CACNG4: variants seen among roughly 807,000 people sequenced by gnomAD.
The protein encoded by CACNG4 is calcium voltage-gated channel auxiliary subunit gamma 4.
In CACNG4, 8 loss-of-function variants were observed where a neutral mutation model predicts 22.9. The observed-to-expected ratio is 0.35, with a 90% CI of 0.21 to 0.63. CACNG4 has a LOEUF of 0.63. Ranked by LOEUF, CACNG4 falls within the 30% of genes least tolerant of loss-of-function variation. CACNG4 has a pLI of 0.72. For missense variants in CACNG4, 357 were observed against 455.4 expected, an observed-to-expected ratio of 0.78 and a Z score of 1.97; for synonymous variants, 188 against 191.9, an observed-to-expected ratio of 0.98 and a Z score of 0.17.
chr17:67,029,484 A>G (rs1336860848), intron 3 of CACNG4, among the ~76,000 whole-genome samples: 1 of 142,198 alleles, frequency 7.0e-6, no homozygotes, highest in African/African-American at 2.7e-5. Flanking sequence ...ACAAAAAAAA[A>G]TTGGCTGGGT....
chr17:66,985,202 T>G (rs556838161), intron 1 of CACNG4, among the ~76,000 whole-genome samples: 9 of 152,298 alleles, frequency 5.9e-5, no homozygotes, highest in South Asian at 4.1e-4. Flanking sequence ...TAGTCTCTAT[T>G]CAAATCCAGA....
chr17:66,996,303 A>G (rs576596170), intron 1 of CACNG4, among the ~76,000 whole-genome samples: 2 of 150,942 alleles, frequency 1.3e-5, no homozygotes, highest in Admixed American at 6.6e-5. Context: ...GAGCCAGGAG[A>G]GAGCAGTGCC....
At chr17:67,008,273 C>T (rs1319409551) in intron 1 of CACNG4, among the ~76,000 whole-genome samples, 2 of 152,178 alleles carry the variant, frequency 1.3e-5, no homozygotes, top group African/African-American at 2.4e-5. Context: ...TGGAGTTTCG[C>T]TCAGGAACCC....
intron 3 of CACNG4, 83 bp downstream of exon 3, chr17:67,025,083 A>T (rs1159853676): frequency 1.3e-5 from 17 of 1,353,214 alleles, no homozygotes; most frequent in Non-Finnish European, 1.6e-5. Flanking sequence ...ACTGCCAGGC[A>T]GTGTGCATCC....
Position 66,968,517 on chromosome 17 carries a change from C to T in CACNG4, c.220+3386C>T, listed in dbSNP as rs143161979. The stretch of plus-strand genomic sequence containing the variant: ...CCTCCTCTCCCTCCTCTCCCCTACC[C>T]TCCTCCTCTGCCTCCTCTCCCCTCC... On this transcript the variant is annotated intron_variant, in intron 1 of 3. Coordinates refer to ENST00000262138, the MANE Select transcript of CACNG4 (RefSeq NM_014405.4). 4.1e-3 allele frequency among the ~76,000 whole-genome samples: 248 copies of T among 60,208 alleles called. 7 individuals are homozygous for T. The highest frequency in any genetic ancestry group is 0.016 in the African/African-American group (228 of 14,266). 39.5% of individuals were successfully genotyped at this position (60,208 alleles called of 152,430 possible).
chr17:66,974,793 C>T (rs1487698850), intron 1 of CACNG4, among the ~76,000 whole-genome samples: 1 of 152,218 alleles, frequency 6.6e-6, no homozygotes, highest in African/African-American at 2.4e-5. Flanking sequence ...AGGCCCCAGG[C>T]TCTCTGCAGG....
chr17:66,987,368 A>G (rs546587039), intron 1 of CACNG4, among the ~76,000 whole-genome samples: 29 of 152,340 alleles, frequency 1.9e-4, no homozygotes, highest in Admixed American at 1.2e-3. Flanking sequence ...CCATGTGAGA[A>G]TTCACAGAAC....
At chr17:66,965,180 A>ACC in intron 1 of CACNG4, 49 bp downstream of exon 1, 3 of 1,057,716 alleles carry the variant, frequency 2.8e-6, no homozygotes, top group Non-Finnish European at 4.0e-6. Context: ...ACACACACAC[A>ACC]CACACATATA....
intron 3 of CACNG4, among the ~76,000 whole-genome samples, chr17:67,026,354 G>A (rs1313547251): frequency 6.6e-6 from 1 of 151,112 alleles, no homozygotes; most frequent in African/African-American, 2.4e-5. Context: ...TGTGAGCATG[G>A]TGTGTGTGTA....
intron 1 of CACNG4, among the ~76,000 whole-genome samples, chr17:67,001,703 C>G (rs192690246): frequency 6.6e-6 from 1 of 152,216 alleles, no homozygotes; most frequent in Admixed American, 6.5e-5. Context: ...TTCTACTAGA[C>G]GACCAAGTCT....
chr17:66,965,160 C>CA (rs1555575203), intron 1 of CACNG4, 29 bp downstream of exon 1: 18,823 of 837,228 alleles, frequency 0.022, 319 homozygotes, highest in African/African-American at 0.08. Flanking sequence ...CCTCGCCGCC[C>CA]CACACACACA....
intron 2 of CACNG4, among the ~76,000 whole-genome samples, chr17:67,023,377 G>A (rs185392307): frequency 7.0e-6 from 1 of 142,596 alleles, no homozygotes; most frequent in Non-Finnish European, 1.5e-5. Context: ...CCGGGTTCAC[G>A]CCATTCTCCT....
Position 67,024,928 on chromosome 17 carries a change from A to C in CACNG4, c.373A>C (p.Ile125Leu). 6.2e-7 allele frequency: 1 copy of C among 1,606,886 alleles called. No homozygotes were observed. Among genetic ancestry groups the C allele is most frequent in the Non-Finnish European group, 8.5e-7 (1 of 1,177,850 alleles). Reference sequence around the variant, plus strand: ...CCTGCTCCTGCTGGGTGGCCTGTGCATCGGTGCTGGCAGGATCTACAGCCG... The same window carrying C: ...CCTGCTCCTGCTGGGTGGCCTGTGCCTCGGTGCTGGCAGGATCTACAGCCG... ...TILLLLGGLC[I>L]GAGRIYSRKN... The change falls in exon 3 of 4, where the codon ATC becomes CTC. Residue 125 changes from isoleucine (I) to leucine (L), a missense_variant. Ile to Leu is a conservative substitution (Grantham distance 5). Transcript: ENST00000262138.
intron 2 of CACNG4, among the ~76,000 whole-genome samples, chr17:67,023,998 G>T (rs1009030925): frequency 2.0e-5 from 3 of 152,176 alleles, no homozygotes; most frequent in Non-Finnish European, 2.9e-5. Context: ...TTATAAAAGG[G>T]GACTGAGGTG....
At chr17:67,024,654 G>GCC (rs943705482) in intron 2 of CACNG4, among the ~76,000 whole-genome samples, 1 of 152,210 alleles carries the variant, frequency 6.6e-6, no homozygotes, top group Non-Finnish European at 1.5e-5. Context: ...TGAAGGGCAG[G>GCC]CCCGGAGCCC....
intron 1 of CACNG4, among the ~76,000 whole-genome samples, chr17:67,011,454 C>T (rs1420426382): frequency 6.6e-6 from 1 of 152,156 alleles, no homozygotes; most frequent in Non-Finnish European, 1.5e-5. Context: ...TCACTCATGG[C>T]GCCACCTAAA....
chr17:66,999,183 T>A (rs72846266), intron 1 of CACNG4, among the ~76,000 whole-genome samples: 8,712 of 152,176 alleles, frequency 0.057, 373 homozygotes, highest in South Asian at 0.097. Context: ...AGGGTTGCAG[T>A]GAGGACTGAA....
intron 1 of CACNG4, among the ~76,000 whole-genome samples, chr17:66,978,376 G>A (rs1217600214): frequency 1.3e-5 from 2 of 152,160 alleles, no homozygotes; most frequent in African/African-American, 4.8e-5. Context: ...AAAATACGTG[G>A]TACATGGGGA....
At chr17:67,000,626 G>A (rs2035402515) in intron 1 of CACNG4, among the ~76,000 whole-genome samples, 1 of 152,190 alleles carries the variant, frequency 6.6e-6, no homozygotes, top group Non-Finnish European at 1.5e-5. Context: ...AGGAGGACAA[G>A]TGAGGGCCAG....
Sources: gnomAD v4.1 joint callset for allele counts (sites outside exome capture counted in the v4.1 genomes callset) on GRCh38, gnomAD v4.1.1 for gene constraint, MANE v1.5 for transcripts, NCBI Gene and HGNC (gene_info 2026-07-23, HGNC 2026-07-21) for gene names.